ZNF510: variants seen among roughly 807,000 people sequenced by gnomAD.
ZNF510 encodes zinc finger protein 510.
In ZNF510, 15 loss-of-function variants were observed where a neutral mutation model predicts 18.1. That is an observed-to-expected ratio of 0.83 (90% confidence interval 0.55 to 1.28). The LOEUF is 1.28. Ranked by LOEUF, ZNF510 falls within the 50% of genes most tolerant of loss-of-function variation. The pLI, the probability that ZNF510 is intolerant of heterozygous loss-of-function variation, is 0.00. For missense variants in ZNF510, 724 were observed against 791.8 expected, an observed-to-expected ratio of 0.91 and a Z score of 1.03; for synonymous variants, 261 against 266.4, an observed-to-expected ratio of 0.98 and a Z score of 0.20.
chr9:96,770,011 T>C (rs112400793), intron 3 of ZNF510, among the ~76,000 whole-genome samples: 2,845 of 152,230 alleles, frequency 0.019, 81 homozygotes, highest in African/African-American at 0.063. Flanking sequence ...AGTTTGGCAG[T>C]TACCAAAAAA....
intron 3 of ZNF510, among the ~76,000 whole-genome samples, chr9:96,768,981 A>G (rs1849532452): frequency 6.6e-6 from 1 of 152,230 alleles, no homozygotes; most frequent in Admixed American, 6.5e-5. Flanking sequence ...TGGCATAAAT[A>G]CAGACATACA....
At chr9:96,777,472 G>A (rs1206677114) in intron 1 of ZNF510, 2 of 152,134 alleles carry the variant, frequency 1.3e-5, no homozygotes, top group East Asian at 1.9e-4. Flanking sequence ...AGAATTAAAC[G>A]AAATACTACA....
rs757220167 is a variant in ZNF510, at chr9:96,759,771, A to G, written c.1059T>C (p.Asp353=). The G allele has an allele frequency of 2.5e-6, 4 of 1,614,082 alleles. No homozygotes were observed. In the South Asian group the frequency reaches 4.4e-5, roughly 18 times the overall value. Residue 353 remains aspartate (D), a synonymous_variant, in exon 6 of 6, where the codon GAT becomes GAC. Transcript: ENST00000223428. ...NNFNRKAHLT[D]PQTAVIEENP... is the part of the protein sequence containing the mutation. ...TCTCTTCTATGACAGCTGTTTGAGG[A>G]TCAGTGAGGTGTGCCTTTCTGTTGA...
rs1849212837 is a variant in ZNF510, at chr9:96,757,074, T to C, written c.*1704A>G. 1 of 152,166 alleles carries C rather than the reference T, an allele frequency of 6.6e-6. No homozygotes were observed. The highest frequency in any genetic ancestry group is 1.5e-5 in the Non-Finnish European group (1 of 68,042). The allele number at this position is 152,166 out of a possible 1,614,324, so 9.4% of individuals were successfully genotyped here. A position where few individuals can be genotyped will look rare whatever the true frequency, so the allele number is the denominator to read the frequency against. On this transcript the variant is annotated 3_prime_UTR_variant, in exon 6 of 6. Coordinates refer to ENST00000223428, the MANE Select transcript of ZNF510 (RefSeq NM_014930.3). ...TTGCCTTCCCATTGCCAAACCCCAT[T>C]AGCTAAATCTAGGTGTCCTGTACCC...
At chr9:96,775,057 GTTTT>G (rs1378115590) in intron 2 of ZNF510, among the ~76,000 whole-genome samples, 4 of 141,120 alleles carry the variant, frequency 2.8e-5, no homozygotes, top group Non-Finnish European at 4.4e-5. Context: ...GTGTGTGTGT[GTTTT>G]TTTGTTTTTT....
intron 3 of ZNF510, among the ~76,000 whole-genome samples, chr9:96,769,862 T>C (rs1048500843): frequency 6.6e-6 from 1 of 152,144 alleles, no homozygotes; most frequent in Non-Finnish European, 1.5e-5. Flanking sequence ...CAAAGTTAAA[T>C]GATACCACTT....
intron 3 of ZNF510, among the ~76,000 whole-genome samples, chr9:96,766,038 A>G (rs765264305): frequency 2.6e-5 from 4 of 152,114 alleles, no homozygotes; most frequent in Non-Finnish European, 4.4e-5. Flanking sequence ...TTATGTACTG[A>G]CTGGCTGACA....
At chr9:96,772,818 G>A (rs1279076858) in intron 3 of ZNF510, among the ~76,000 whole-genome samples, 2 of 152,174 alleles carry the variant, frequency 1.3e-5, no homozygotes, top group Non-Finnish European at 2.9e-5. Context: ...CTTGCAGTAT[G>A]TATTAAAACT....
chr9:96,763,698 A>G, intron 3 of ZNF510, 66 bp from the exon 4 acceptor site: 1 of 1,435,588 alleles, frequency 7.0e-7, no homozygotes, highest in Non-Finnish European at 9.3e-7. Context: ...AATAGCCATG[A>G]AAACAATTCT....
chr9:96,776,274 G>GCTTCTCTGGAGCA, intron 1 of ZNF510, 29 bp from the exon 2 acceptor site: 3 of 979,896 alleles, frequency 3.1e-6, no homozygotes, highest in Non-Finnish European at 4.2e-6. Flanking sequence ...CTTTGCTCCA[G>GCTTCTCTGGAGCA]AGAAGCTGGG....
chr9:96,765,413 GCTTT>G (rs578253213), intron 3 of ZNF510, among the ~76,000 whole-genome samples: 239 of 152,194 alleles, frequency 1.6e-3, no homozygotes, highest in African/African-American at 5.4e-3. Flanking sequence ...AAGGTGATCT[GCTTT>G]CTTGTTTCAG....
rs1588123432 is a variant in ZNF510 at position 96,756,479 on chromosome 9, C to T, written c.*2299G>A. 1.3e-5 allele frequency: 2 copies of T among 152,296 alleles called. No homozygotes were observed. Among genetic ancestry groups the T allele is most frequent in the East Asian group, 3.9e-4 (2 of 5,176 alleles). 9.4% of individuals were successfully genotyped at this position (152,296 alleles called of 1,614,324 possible). A position where few individuals can be genotyped will look rare whatever the true frequency, so the allele number is the denominator to read the frequency against. ...GATACATTATTTCCCTTCTAAGAGA[C>T]AGCTACTACTATTGCCTATACAGCT... On this transcript the variant is annotated 3_prime_UTR_variant, in exon 6 of 6. Coordinates refer to ENST00000223428, the MANE Select transcript of ZNF510 (RefSeq NM_014930.3).
At position 96,759,097 on chromosome 9, in the gene ZNF510, C is replaced by T. The variant is rs1430302725; in HGVS notation, c.1733G>A (p.Gly578Glu). The T allele has an allele frequency of 6.2e-7, 1 of 1,613,930 alleles. No homozygotes were observed. Among genetic ancestry groups the T allele is most frequent in the African/African-American group, 1.3e-5 (1 of 74,886 alleles). ...GGTTGATGTCCGGGCAAAAGTTTTC[C>T]CACATTCGTTACATTTGAATGGTTT... ...GEKPFKCNECGKTFARTSTLR... is the reference protein window; with the variant it reads ...GEKPFKCNECEKTFARTSTLR... The change falls in exon 6 of 6, where the codon GGG becomes GAG. Residue 578 changes from glycine to glutamate, a missense_variant. By Grantham distance (98) the Gly-to-Glu change is moderately conservative. Coordinates refer to ENST00000223428, the MANE Select transcript of ZNF510 (RefSeq NM_014930.3).
In ZNF510 at chr9:96,757,988, G is replaced by A. The variant is rs555765107; in HGVS notation, c.*790C>T. ...CCCTCATGGGAGAGCAGGAGGGCAT[G>A]AGACTTCATCCCACTACTCAGAATC... On this transcript the variant is annotated 3_prime_UTR_variant, in exon 6 of 6. Transcript: ENST00000223428. The A allele has an allele frequency of 6.6e-6, 1 of 152,196 alleles. No homozygotes were observed. Among genetic ancestry groups the A allele is most frequent in the Non-Finnish European group, 1.5e-5 (1 of 68,024 alleles). 9.4% of individuals were successfully genotyped at this position (152,196 alleles called of 1,614,324 possible). A position where few individuals can be genotyped will look rare whatever the true frequency, so the allele number is the denominator to read the frequency against.
intron 4 of ZNF510, 29 bp from the exon 5 acceptor site, chr9:96,763,242 G>A (rs1451107661): frequency 6.2e-7 from 1 of 1,604,084 alleles, no homozygotes; most frequent in Non-Finnish European, 8.5e-7. Flanking sequence ...CGAGGACTTA[G>A]ACCAGATATA....
chr9:96,760,564 ATTATT>A, intron 5 of ZNF510, 87 bp from the exon 6 acceptor site: 2 of 1,185,422 alleles, frequency 1.7e-6, no homozygotes, highest in Non-Finnish European at 2.3e-6. Context: ...GTTGCACCTA[ATTATT>A]TGATTTATCA....
Position 96,755,387 on chromosome 9 carries a change from A to C in ZNF510, c.*3391T>G, listed in dbSNP as rs10978811. Reference sequence around the variant, plus strand: ...AACAGTGATGTTTTGATTCTCAGGGACTAACTGGTCCTAACAGGTACTAAC... The same window carrying C: ...AACAGTGATGTTTTGATTCTCAGGGCCTAACTGGTCCTAACAGGTACTAAC... On this transcript the variant is annotated 3_prime_UTR_variant, in exon 6 of 6. Transcript: ENST00000223428. Among the ~76,000 whole-genome samples, 9,866 of 152,214 alleles carry C rather than the reference A, an allele frequency of 0.065. 1,072 individuals carry two copies. Among genetic ancestry groups the C allele is most frequent in the African/African-American group, 0.22 (9,272 of 41,476 alleles).
At chr9:96,770,610 AAAAT>A (rs1849566054) in intron 3 of ZNF510, among the ~76,000 whole-genome samples, 1 of 147,088 alleles carries the variant, frequency 6.8e-6, no homozygotes, top group African/African-American at 2.7e-5. Flanking sequence ...TCTCAAAAAA[AAAAT>A]ATATATATAT....
rs754894013 is a variant in ZNF510 at position 96,763,509 on chromosome 9, C to A, written c.253G>T (p.Val85Leu). 61 of 1,605,776 alleles carry A rather than the reference C, an allele frequency of 3.8e-5. No homozygotes were observed. The highest frequency in any genetic ancestry group is 5.2e-5 in the Non-Finnish European group (61 of 1,177,244). Residue 85 changes from valine to leucine, a missense_variant, in exon 4 of 6, where the codon GTG becomes TTG. Transcript: ENST00000223428. Reference protein sequence around the residue: ...MLENYSNLVSVGYCCFKPEVI... With the variant: ...MLENYSNLVSLGYCCFKPEVI... The stretch of plus-strand genomic sequence containing the variant: ...TAAGTTATGTTTACATGCTTACCCA[C>A]TGAGACGAGGTTGCTGTAGTTCTCC...
Sources: gnomAD v4.1 joint callset for allele counts (sites outside exome capture counted in the v4.1 genomes callset) on GRCh38, gnomAD v4.1.1 for gene constraint, MANE v1.5 for transcripts, NCBI Gene and HGNC (gene_info 2026-07-23, HGNC 2026-07-21) for gene names.